The following AASS variants were observed in gnomAD, a reference collection of about 807,000 sequenced individuals.
AASS encodes alpha-aminoadipic semialdehyde synthase, mitochondrial.
A neutral mutation model predicts 105.4 loss-of-function variants in AASS; 86 were observed. The observed-to-expected ratio is 0.82, with a 90% CI of 0.69 to 0.98. The LOEUF is 0.98. AASS is among the 50% of genes least tolerant of loss of function. AASS has a pLI of 0.00. For missense variants in AASS, 1,048 were observed against 1,143.2 expected, an observed-to-expected ratio of 0.92 and a Z score of 1.20; for synonymous variants, 381 against 394.8, an observed-to-expected ratio of 0.96 and a Z score of 0.41.
intron 18 of AASS, among the ~76,000 whole-genome samples, chr7:122,090,703 T>G (rs1261638658): frequency 6.6e-6 from 1 of 152,144 alleles, no homozygotes; most frequent in East Asian, 1.9e-4. Flanking sequence ...TCTCGTTTCA[T>G]TTTTCTCCAA....
intron 18 of AASS, among the ~76,000 whole-genome samples, chr7:122,090,770 C>G (rs1793858632): frequency 1.3e-5 from 2 of 152,116 alleles, no homozygotes; most frequent in Non-Finnish European, 1.5e-5. Context: ...GGCTCTGTCA[C>G]TTGCCATCTC....
intron 2 of AASS, among the ~76,000 whole-genome samples, chr7:122,132,896 T>C (rs1030536955): frequency 5.9e-5 from 9 of 152,122 alleles, no homozygotes; most frequent in Non-Finnish European, 1.0e-4. Context: ...TAAAGCTTCA[T>C]TAAGCCTCAA....
rs535281732 is a variant in AASS at position 122,075,734 on chromosome 7, T to C, written c.*755A>G. 181 of 152,300 alleles carry C rather than the reference T, an allele frequency of 1.2e-3. No individual in the cohort carries two copies. Among genetic ancestry groups the C allele is most frequent in the African/African-American group, 4.0e-3 (167 of 41,562 alleles). The allele number at this position is 152,300 out of a possible 1,614,324, so 9.4% of individuals were successfully genotyped here. A position where few individuals can be genotyped will look rare whatever the true frequency, so the allele number is the denominator to read the frequency against. On this transcript the variant is annotated 3_prime_UTR_variant, in exon 24 of 24. Coordinates refer to ENST00000417368, the MANE Select transcript of AASS (RefSeq NM_005763.4). ...TGTAATTTAATCTTATCTATTCTCA[T>C]GTCCAAACACTCAAGAGAAAACTAT...
rs561230994 is a variant in AASS at position 122,126,225 on chromosome 7, A to G, written c.472+150T>C. 3 of 760,846 alleles carry G rather than the reference A, an allele frequency of 3.9e-6. No individual in the cohort carries two copies. The African/African-American group carries it at 5.2e-5, about 13-fold the overall frequency. The allele number at this position is 760,846 out of a possible 1,614,324, so 47.1% of individuals were successfully genotyped here. On this transcript the variant is annotated intron_variant, in intron 4 of 23. Transcript: ENST00000417368. ...ACCATTTATCTTCATACTTTATTCC[A>G]CTTGTATTCATCATCCTTCAGCATA...
At chr7:122,116,399 A>C (rs1795176441) in intron 8 of AASS, among the ~76,000 whole-genome samples, 1 of 152,214 alleles carries the variant, frequency 6.6e-6, no homozygotes, top group Admixed American at 6.5e-5. Context: ...GACCTGAAGC[A>C]GAAATGGAGA....
chr7:122,141,680 A>C (rs1412166754), intron 1 of AASS, among the ~76,000 whole-genome samples: 3 of 113,896 alleles, frequency 2.6e-5, no homozygotes, highest in Non-Finnish European at 5.3e-5. Context: ...AAAAAAAAAA[A>C]AAAAACTTGA....
chr7:122,086,498 A>G lies in AASS; in HGVS notation c.2017-319T>C, dbSNP rs150048370. ...ACTAGAGTTTGCCTTTTTAAAAAAT[A>G]TAAACATTTAGAAAAAAAATTTAAA... On this transcript the variant is annotated intron_variant, in intron 18 of 23. Coordinates refer to ENST00000417368, the MANE Select transcript of AASS (RefSeq NM_005763.4). 7.2e-5 allele frequency among the ~76,000 whole-genome samples: 11 copies of G among 151,806 alleles called. No homozygotes were observed. In the East Asian group the frequency reaches 1.7e-3, roughly 24 times the overall value.
intron 20 of AASS, among the ~76,000 whole-genome samples, chr7:122,080,569 A>AAGATTCAATTGCACAGGTTGGAATT (rs1487964526): frequency 8.5e-5 from 13 of 152,218 alleles, no homozygotes; most frequent in Non-Finnish European, 1.3e-4. Flanking sequence ...GTAAAACTTA[A>AAGATTCAATTGCACAGGTTGGAATT]GATTGGAAAG....
chr7:122,098,954 C>G, intron 13 of AASS, 88 bp from the exon 14 acceptor site: 2 of 1,336,868 alleles, frequency 1.5e-6, no homozygotes, highest in Non-Finnish European at 2.0e-6. Context: ...TTCCACAAAT[C>G]ATACTAAAAC....
chr7:122,133,940 A>C, intron 1 of AASS, 199 bp from the exon 2 acceptor site: 1 of 593,972 alleles, frequency 1.7e-6, no homozygotes, highest in East Asian at 2.9e-5. Context: ...TTTAACTGCA[A>C]AATTTTAAAA....
rs1188484146 is a variant in AASS, at chr7:122,129,404, G to C, written c.344C>G (p.Ala115Gly). ...TYAFFSHTIK[A>G]QEANMGLLDE... is the part of the protein sequence containing the mutation. Reference sequence around the variant, plus strand: ...CAACAAGCCCATATTGGCCTCCTGAGCTTTTATTGTGTGGGAGAAAAATGC... The same window carrying C: ...CAACAAGCCCATATTGGCCTCCTGACCTTTTATTGTGTGGGAGAAAAATGC... The change falls in exon 3 of 24, where the codon GCT becomes GGT. Residue 115 changes from alanine to glycine, a missense_variant. Ala to Gly is a moderately conservative substitution (Grantham distance 60). Transcript: ENST00000417368. 1 of 1,612,868 alleles carries C rather than the reference G, an allele frequency of 6.2e-7. No homozygotes were observed. Among genetic ancestry groups the C allele is most frequent in the South Asian group, 1.1e-5 (1 of 90,924 alleles).
At position 122,126,316 on chromosome 7, in the gene AASS, T is replaced by C. The variant is rs546871516; in HGVS notation, c.472+59A>G. On this transcript the variant is annotated intron_variant, in intron 4 of 23. Transcript: ENST00000417368. ...CCCCTTGCCGCAGAAAAGAGAAAAC[T>C]CACAGTTATTCCCCAAGCCAATTTA... 23 of 1,465,542 alleles carry C rather than the reference T, an allele frequency of 1.6e-5. No individual in the cohort carries two copies. In the East Asian group the frequency reaches 4.1e-4, roughly 26 times the overall value. The allele number at this position is 1,465,542 out of a possible 1,614,324, so 90.8% of individuals were successfully genotyped here.
Position 122,074,116 on chromosome 7 carries a change from T to C in AASS, c.*2373A>G, listed in dbSNP as rs1792893070. On this transcript the variant is annotated 3_prime_UTR_variant, in exon 24 of 24. Coordinates refer to ENST00000417368, the MANE Select transcript of AASS (RefSeq NM_005763.4). ...CACCAACAGTGCATGAGGGTTCCAATTTCTCTGCATCCTCACCAACACTTG... is the reference window on the plus strand; with the variant it reads ...CACCAACAGTGCATGAGGGTTCCAACTTCTCTGCATCCTCACCAACACTTG... Among the ~76,000 whole-genome samples, 1 of 152,224 alleles carries C rather than the reference T, an allele frequency of 6.6e-6. No homozygotes were observed. Among genetic ancestry groups the C allele is most frequent in the African/African-American group, 2.4e-5 (1 of 41,470 alleles).
intron 2 of AASS, 58 bp from the exon 3 acceptor site, chr7:122,129,595 T>G (rs556641764): frequency 6.6e-7 from 1 of 1,522,720 alleles, no homozygotes; most frequent in South Asian, 1.1e-5. Context: ...CCATGTTTTC[T>G]TGAGCAAAAT....
chr7:122,115,888 C>A (rs1270458481), intron 8 of AASS, among the ~76,000 whole-genome samples: 1 of 152,144 alleles, frequency 6.6e-6, no homozygotes, highest in African/African-American at 2.4e-5. Flanking sequence ...GGTAAGAATT[C>A]TTTTCCCTAA....
At chr7:122,078,454 A>G (rs530223296) in intron 22 of AASS, among the ~76,000 whole-genome samples, 1 of 152,182 alleles carries the variant, frequency 6.6e-6, no homozygotes, top group South Asian at 2.1e-4. Context: ...TCTACTAAAA[A>G]TACAAAAATT....
intron 18 of AASS, among the ~76,000 whole-genome samples, chr7:122,088,665 C>T (rs1177519484): frequency 1.3e-5 from 2 of 152,038 alleles, no homozygotes; most frequent in African/African-American, 4.8e-5. Flanking sequence ...GGGTTGGGTG[C>T]TGCAGTCAAG....
At chr7:122,078,978 A>G in intron 21 of AASS, 28 bp from the exon 22 acceptor site, 1 of 1,613,816 alleles carries the variant, frequency 6.2e-7, no homozygotes, top group Non-Finnish European at 8.5e-7. Context: ...TGGCTGCATT[A>G]GTTCAAGTCC....
At chr7:122,091,665 G>T in intron 18 of AASS, 38 bp downstream of exon 18, 2 of 1,612,900 alleles carry the variant, frequency 1.2e-6, no homozygotes, top group Non-Finnish European at 1.7e-6. Context: ...GGCTGTTATT[G>T]CAGGTTGATA....
Sources: gnomAD v4.1 joint callset for allele counts (sites outside exome capture counted in the v4.1 genomes callset) on GRCh38, gnomAD v4.1.1 for gene constraint, MANE v1.5 for transcripts, NCBI Gene and HGNC (gene_info 2026-07-23, HGNC 2026-07-21) for gene names.